The following LSAMP variants were observed in gnomAD, a reference collection of about 807,000 sequenced individuals.
LSAMP encodes the protein limbic system associated membrane protein.
LSAMP carries 7 observed loss-of-function variants against 38.6 expected under a neutral mutation model. The observed-to-expected ratio is 0.18, with a 90% CI of 0.10 to 0.34. LSAMP has a LOEUF of 0.34. LSAMP is among the 10% of genes least tolerant of loss of function. The pLI is 1.00. For synonymous variants in LSAMP, 154 were observed against 166.8 expected (o/e 0.92, Z 0.59); for missense variants, 313 against 420.0 (o/e 0.75, Z 2.23).
chr3:116,252,098 A>G (rs541762848), intron 1 of LSAMP, among the ~76,000 whole-genome samples: 1 of 152,318 alleles, frequency 6.6e-6, no homozygotes, highest in East Asian at 1.9e-4. Context: ...TGTTGGCTAG[A>G]AACAACATTA....
At chr3:116,407,338 A>G (rs2048910054) in intron 1 of LSAMP, among the ~76,000 whole-genome samples, 1 of 152,124 alleles carries the variant, frequency 6.6e-6, no homozygotes, top group African/African-American at 2.4e-5. Flanking sequence ...ATTAGAGGCA[A>G]AATGTGAAGG....
chr3:116,416,065 T>C (rs1196348712), intron 1 of LSAMP, among the ~76,000 whole-genome samples: 1 of 152,200 alleles, frequency 6.6e-6, no homozygotes, highest in Admixed American at 6.5e-5. Flanking sequence ...AGAGTTACAA[T>C]TCACATGGAT....
chr3:116,020,300 C>G (rs1030762837), intron 2 of LSAMP, among the ~76,000 whole-genome samples: 1 of 152,172 alleles, frequency 6.6e-6, no homozygotes, highest in Non-Finnish European at 1.5e-5. Flanking sequence ...ACTTCCAACA[C>G]CACTACTACT....
chr3:115,953,692 T>C (rs1054081050), intron 3 of LSAMP, among the ~76,000 whole-genome samples: 2 of 152,212 alleles, frequency 1.3e-5, no homozygotes, highest in South Asian at 2.1e-4. Flanking sequence ...TCTTGAAATT[T>C]GCAAAATTCC....
At chr3:115,889,921 G>C (rs1936552735) in intron 3 of LSAMP, among the ~76,000 whole-genome samples, 1 of 151,920 alleles carries the variant, frequency 6.6e-6, no homozygotes, top group African/African-American at 2.4e-5. Flanking sequence ...CAGTGGAAGA[G>C]ATAATTTTAG....
chr3:116,041,531 C>T (rs1002361898), intron 2 of LSAMP, among the ~76,000 whole-genome samples: 12 of 151,414 alleles, frequency 7.9e-5, no homozygotes, highest in Admixed American at 2.6e-4. Context: ...TGGGATGAAG[C>T]CTCTTCTGCT....
chr3:116,003,595 C>T (rs575903056), intron 3 of LSAMP, among the ~76,000 whole-genome samples: 7 of 152,084 alleles, frequency 4.6e-5, no homozygotes, highest in African/African-American at 7.2e-5. Flanking sequence ...GGAAAAGGGG[C>T]TTTTGCAAAG....
Position 115,810,409 on chromosome 3 carries a change from C to G in LSAMP, c.925G>C (p.Gly309Arg). The G allele has an allele frequency of 1.2e-6, 2 of 1,610,970 alleles. No homozygotes were observed. The highest frequency in any genetic ancestry group is 1.7e-6 in the Non-Finnish European group (2 of 1,177,582). ...TNASLVLFRP[G>R]SVRGINGSIS... is the part of the protein sequence containing the mutation. ...GATCCATTTATTCCTCTCACCGACCCAGGTCCTGCAGAGCAAAAGAGGAGA... is the reference window on the plus strand; with the variant it reads ...GATCCATTTATTCCTCTCACCGACCGAGGTCCTGCAGAGCAAAAGAGGAGA... The change falls in exon 7 of 7, where the codon GGG becomes CGG. Residue 309 changes from glycine (G) to arginine (R), a missense_variant. Physicochemically the swap from Gly to Arg is moderately radical, Grantham distance 125. Transcript: ENST00000490035.
chr3:116,386,996 A>G (rs1005664523), intron 1 of LSAMP, among the ~76,000 whole-genome samples: 2 of 152,314 alleles, frequency 1.3e-5, no homozygotes, highest in Admixed American at 6.5e-5. Flanking sequence ...TTAGGACACA[A>G]CGTTTATCTT....
intron 1 of LSAMP, among the ~76,000 whole-genome samples, chr3:116,310,889 G>T (rs1048997365): frequency 6.7e-6 from 1 of 148,212 alleles, no homozygotes; most frequent in Non-Finnish European, 1.5e-5. Context: ...GATGATGATG[G>T]TGAGGAGGAA....
chr3:116,177,353 G>T (rs1260479357), intron 1 of LSAMP, among the ~76,000 whole-genome samples: 3 of 152,136 alleles, frequency 2.0e-5, no homozygotes, highest in Admixed American at 6.6e-5. Context: ...TCAAACAAGA[G>T]ACATCTTGCT....
intron 1 of LSAMP, among the ~76,000 whole-genome samples, chr3:116,332,269 T>C (rs1248097802): frequency 6.6e-6 from 1 of 152,180 alleles, no homozygotes; most frequent in African/African-American, 2.4e-5. Flanking sequence ...TTTTAATAAC[T>C]AATGCATTTA....
chr3:116,099,413 T>C (rs1211129284), intron 1 of LSAMP, among the ~76,000 whole-genome samples: 4 of 152,014 alleles, frequency 2.6e-5, no homozygotes, highest in African/African-American at 9.7e-5. Context: ...AGTGTTGTTT[T>C]GAAATTGTTC....
chr3:115,965,903 T>C (rs147189174), intron 3 of LSAMP, among the ~76,000 whole-genome samples: 45 of 152,286 alleles, frequency 3.0e-4, no homozygotes, highest in Middle Eastern at 3.4e-3. Context: ...TCTTTAGTTG[T>C]ATGTATGTAT....
intron 3 of LSAMP, among the ~76,000 whole-genome samples, chr3:115,963,459 G>A (rs1003535990): frequency 9.2e-5 from 14 of 152,172 alleles, no homozygotes; most frequent in Admixed American, 4.6e-4. Flanking sequence ...GGTTATTAAG[G>A]GAGGTAATCA....
At chr3:116,214,356 C>T (rs1044977958) in intron 1 of LSAMP, among the ~76,000 whole-genome samples, 2 of 152,106 alleles carry the variant, frequency 1.3e-5, no homozygotes, top group Non-Finnish European at 2.9e-5. Flanking sequence ...AATTCTCCAG[C>T]CCAGAGTGAA....
At chr3:115,956,424 A>T (rs1428579989) in intron 3 of LSAMP, among the ~76,000 whole-genome samples, 3 of 151,956 alleles carry the variant, frequency 2.0e-5, no homozygotes, top group African/African-American at 7.3e-5. Context: ...AAACTCTGAC[A>T]TGGCAGATTG....
intron 1 of LSAMP, among the ~76,000 whole-genome samples, chr3:116,433,181 A>G (rs1476591043): frequency 6.6e-6 from 1 of 152,184 alleles, no homozygotes; most frequent in Non-Finnish European, 1.5e-5. Context: ...TTGTTTTCAC[A>G]TGTAGATACT....
chr3:116,285,507 T>C (rs2047183888), intron 1 of LSAMP, among the ~76,000 whole-genome samples: 1 of 151,978 alleles, frequency 6.6e-6, no homozygotes, highest in Non-Finnish European at 1.5e-5. Flanking sequence ...TTCAGGACTC[T>C]GCTCTAATGT....
Sources: gnomAD v4.1 joint callset for allele counts (sites outside exome capture counted in the v4.1 genomes callset) on GRCh38, gnomAD v4.1.1 for gene constraint, MANE v1.5 for transcripts, NCBI Gene and HGNC (gene_info 2026-07-23, HGNC 2026-07-21) for gene names.